Variants in FFAR4 observed in about 807,000 individuals in gnomAD.
The protein encoded by FFAR4 is G-protein coupled receptor 120.
A neutral mutation model predicts 27.0 loss-of-function variants in FFAR4; 19 were observed. The observed-to-expected ratio is 0.70, with a 90% CI of 0.49 to 1.03. FFAR4 has a LOEUF of 1.03. Among genes scored for constraint, FFAR4 ranks in the 50% least tolerant of loss-of-function variants. FFAR4 has a pLI of 0.00. For synonymous variants in FFAR4, 254 were observed against 215.6 expected (o/e 1.18, Z -1.56); for missense variants, 476 against 479.0 (o/e 0.99, Z 0.06).
chr10:93,570,033 T>C (rs1029998267), intron 1 of FFAR4, among the ~76,000 whole-genome samples: 15 of 151,756 alleles, frequency 9.9e-5, no homozygotes, highest in African/African-American at 3.4e-4. Flanking sequence ...CACTCCAGCC[T>C]GGCCAGCAAA....
intron 2 of FFAR4, among the ~76,000 whole-genome samples, chr10:93,576,910 G>C (rs1304296717): frequency 6.6e-6 from 1 of 152,158 alleles, no homozygotes; most frequent in Non-Finnish European, 1.5e-5. Context: ...AGCACACTGA[G>C]CATAGGTGTA....
chr10:93,570,045 C>T (rs116708660), intron 1 of FFAR4, among the ~76,000 whole-genome samples: 2,193 of 150,338 alleles, frequency 0.015, 57 homozygotes, highest in African/African-American at 0.051. Flanking sequence ...GCCAGCAAAG[C>T]AAGACTCAAT....
At chr10:93,567,413 CAA>C in intron 1 of FFAR4, 126 bp downstream of exon 1, 1 of 815,898 alleles carries the variant, frequency 1.2e-6, no homozygotes, top group Non-Finnish European at 1.9e-6. Context: ...ATCGTTGTGC[CAA>C]ATCTTGTGCC....
chr10:93,575,198 T>C (rs930445513), intron 1 of FFAR4, among the ~76,000 whole-genome samples: 3 of 152,230 alleles, frequency 2.0e-5, no homozygotes, highest in Non-Finnish European at 4.4e-5. Flanking sequence ...TATATGTGTG[T>C]GTTAGGGCCA....
At chr10:93,568,594 C>A (rs1028649553) in intron 1 of FFAR4, among the ~76,000 whole-genome samples, 3 of 152,158 alleles carry the variant, frequency 2.0e-5, no homozygotes, top group African/African-American at 7.2e-5. Context: ...TGCACACAGC[C>A]CACCAGGGAC....
chr10:93,582,223 G>A lies in FFAR4; in HGVS notation c.697-4997G>A, dbSNP rs1006049249. The stretch of plus-strand genomic sequence containing the variant: ...CTACCAGTGGTGGGAACTGTGGAGA[G>A]AAGGAGATAGTAGCATCTCTCAGTG... On this transcript the variant is annotated intron_variant, in intron 2 of 2. Transcript: ENST00000371481. Among the ~76,000 whole-genome samples the A allele has an allele frequency of 2.0e-5, 3 of 152,060 alleles. No homozygotes were observed. The South Asian group carries it at 6.2e-4, about 32-fold the overall frequency.
intron 2 of FFAR4, 68 bp from the exon 3 acceptor site, chr10:93,587,152 C>G: frequency 1.4e-6 from 2 of 1,400,264 alleles, no homozygotes; most frequent in Non-Finnish European, 2.0e-6. Flanking sequence ...AACTCTTGGG[C>G]CCCTAACTCA....
intron 2 of FFAR4, among the ~76,000 whole-genome samples, chr10:93,576,798 C>T (rs1054994347): frequency 6.6e-6 from 1 of 152,118 alleles, no homozygotes; most frequent in African/African-American, 2.4e-5. Context: ...ATTTTATGGT[C>T]TTTTAGGCTG....
chr10:93,573,975 C>T (rs2058147220), intron 1 of FFAR4, among the ~76,000 whole-genome samples: 1 of 152,044 alleles, frequency 6.6e-6, no homozygotes, highest in Non-Finnish European at 1.5e-5. Context: ...TCAGATAAGC[C>T]ACAAGAATAA....
intron 2 of FFAR4, chr10:93,579,186 G>A: frequency 2.5e-6 from 4 of 1,614,104 alleles, no homozygotes; most frequent in Non-Finnish European, 3.4e-6. Context: ...GGATGCAAGA[G>A]CTGTCGTGAC....
chr10:93,566,852 A>T lies in FFAR4; in HGVS notation c.132A>T (p.Thr44=). The stretch of plus-strand genomic sequence containing the variant: ...GGCTGGTGCTGGCCGCGGTGGAGAC[A>T]ACCGTGCTGGTGCTCATCTTTGCAG... ...DHRLVLAAVE[T]TVLVLIFAVS... The change falls in exon 1 of 3, where the codon ACA becomes ACT. Residue 44 remains threonine, a synonymous_variant. Transcript: ENST00000371481. The T allele has an allele frequency of 1.2e-6, 2 of 1,600,376 alleles. No individual in the cohort carries two copies. The highest frequency in any genetic ancestry group is 8.5e-7 in the Non-Finnish European group (1 of 1,174,966).
chr10:93,587,507 T>C lies in FFAR4; in HGVS notation c.984T>C (p.Asn328=), dbSNP rs115264120. 447 of 1,614,086 alleles carry C rather than the reference T, an allele frequency of 2.8e-4. 1 individual carries two copies. Among genetic ancestry groups the C allele is most frequent in the Non-Finnish European group, 3.5e-4 (410 of 1,180,008 alleles). ...TCTACAACATGACACTGTGCAGGAA[T>C]GAGTGGAAGAAAATTTTTTGCTGCT... ...PILYNMTLCR[N]EWKKIFCCFW... The change falls in exon 3 of 3, where the codon AAT becomes AAC. Residue 328 remains asparagine, a synonymous_variant. Coordinates refer to ENST00000371481, the MANE Select transcript of FFAR4 (RefSeq NM_001195755.2).
rs772386178 is a variant in FFAR4, at chr10:93,579,221, TGAGTAACA to T, written c.696+3014_696+3021del. 8 of 1,606,026 alleles carry T rather than the reference TGAGTAACA, an allele frequency of 5.0e-6. No homozygotes were observed. In the Admixed American group the frequency reaches 1.2e-4, roughly 23 times the overall value. On this transcript the variant is annotated intron_variant, in intron 2 of 2. Transcript: ENST00000371481. Reference sequence around the variant, plus strand: ...CTCACAGTGAGGTAAAAGGGCACTCTGAGTAACAGAGTAACAGAGCAAATATGTAATTT... The same window carrying T: ...CTCACAGTGAGGTAAAAGGGCACTCTGAGTAACAGAGCAAATATGTAATTT...
chr10:93,579,218 C>T (rs1266219352), intron 2 of FFAR4: 3 of 1,606,548 alleles, frequency 1.9e-6, no homozygotes, highest in Non-Finnish European at 2.6e-6. Context: ...TAAAAGGGCA[C>T]TCTGAGTAAC....
At chr10:93,572,376 T>C (rs1264063780) in intron 1 of FFAR4, among the ~76,000 whole-genome samples, 13 of 152,044 alleles carry the variant, frequency 8.6e-5, no homozygotes. Flanking sequence ...AAAGGAGCAG[T>C]GAGTGCTGTT....
chr10:93,567,260 C>G lies in FFAR4; in HGVS notation c.540C>G (p.Val180=), dbSNP rs2134536464. The part of the protein sequence containing the change: ...ALPLCVFFRV[V]PQRLPGADQE... ...CTCTCTGCGTCTTCTTCCGAGTCGT[C>G]CCGCAACGGCTCCCCGGCGCCGACC... The change falls in exon 1 of 3, where the codon GTC becomes GTG. Residue 180 remains valine (V), a synonymous_variant. Coordinates refer to ENST00000371481, the MANE Select transcript of FFAR4 (RefSeq NM_001195755.2). 1.2e-6 allele frequency: 2 copies of G among 1,600,340 alleles called. No homozygotes were observed. The highest frequency in any genetic ancestry group is 2.2e-5 in the South Asian group (2 of 90,986).
chr10:93,572,177 G>T (rs1359226225), intron 1 of FFAR4, among the ~76,000 whole-genome samples: 1 of 152,224 alleles, frequency 6.6e-6, no homozygotes, highest in Non-Finnish European at 1.5e-5. Context: ...GGGGACTCCA[G>T]ACAGGGAAGG....
chr10:93,567,011 C>G lies in FFAR4; in HGVS notation c.291C>G (p.Ala97=), dbSNP rs1253819682. ...LFISAIPLVL[A]VRWTEAWLLG... ...TCAGCGCTATCCCTCTGGTGCTGGC[C>G]GTGCGCTGGACTGAGGCCTGGCTGC... is the stretch of plus-strand genomic sequence containing the variant. Residue 97 remains alanine, a synonymous_variant, in exon 1 of 3, where the codon GCC becomes GCG. Transcript: ENST00000371481. 3 of 1,611,890 alleles carry G rather than the reference C, an allele frequency of 1.9e-6. No homozygotes were observed. The highest frequency in any genetic ancestry group is 2.5e-6 in the Non-Finnish European group (3 of 1,179,858).
At chr10:93,577,881 G>A (rs2058173570) in intron 2 of FFAR4, among the ~76,000 whole-genome samples, 1 of 152,060 alleles carries the variant, frequency 6.6e-6, no homozygotes, top group Non-Finnish European at 1.5e-5. Flanking sequence ...CCTCAGACAT[G>A]TGTTAAGGGC....
Sources: gnomAD v4.1 joint callset for allele counts (sites outside exome capture counted in the v4.1 genomes callset) on GRCh38, gnomAD v4.1.1 for gene constraint, MANE v1.5 for transcripts, NCBI Gene and HGNC (gene_info 2026-07-23, HGNC 2026-07-21) for gene names.